Variants in PGAP1 observed in about 807,000 individuals in gnomAD.
PGAP1 encodes the protein GPI inositol-deacylase.
In PGAP1, 76 loss-of-function variants were observed where a neutral mutation model predicts 127.0. The ratio of observed to expected loss-of-function variants is 0.60; its 90% CI spans 0.50 to 0.72. PGAP1 has a LOEUF of 0.72. Among genes scored for constraint, PGAP1 ranks in the 30% least tolerant of loss-of-function variants. PGAP1 has a pLI of 0.00. For missense variants in PGAP1, 982 were observed against 1,071.3 expected, an observed-to-expected ratio of 0.92 and a Z score of 1.16; for synonymous variants, 362 against 366.5, an observed-to-expected ratio of 0.99 and a Z score of 0.14.
Position 196,880,154 on chromosome 2 carries a change from C to T in PGAP1, c.1273-1G>A. On this transcript the variant is annotated splice_acceptor_variant, in intron 12 of 26. Coordinates refer to ENST00000354764, the MANE Select transcript of PGAP1 (RefSeq NM_024989.4). LOFTEE classifies it high-confidence loss of function. ...AGTCTTGAAGTCTTAATGTCAGATA[C>T]TAAAATAAAAAAAAAAGAAACTACT... 1.3e-6 allele frequency: 2 copies of T among 1,486,204 alleles called. No homozygotes were observed. Among genetic ancestry groups the T allele is most frequent in the Non-Finnish European group, 1.8e-6 (2 of 1,108,156 alleles). 92.1% of individuals were successfully genotyped at this position (1,486,204 alleles called of 1,614,324 possible).
intron 10 of PGAP1, 63 bp downstream of exon 10, chr2:196,890,765 G>T: frequency 2.2e-6 from 2 of 921,998 alleles, no homozygotes; most frequent in East Asian, 2.4e-5. Context: ...TCTACCAGTA[G>T]AATTTGAAAA....
chr2:196,918,152 C>T (rs1171081317), intron 2 of PGAP1, among the ~76,000 whole-genome samples: 2 of 152,120 alleles, frequency 1.3e-5, no homozygotes, highest in African/African-American at 2.4e-5. Flanking sequence ...GAAGCCAGAG[C>T]AACTTTTTTT....
intron 25 of PGAP1, among the ~76,000 whole-genome samples, chr2:196,843,582 A>G (rs1244662481): frequency 6.6e-6 from 1 of 152,188 alleles, no homozygotes; most frequent in East Asian, 1.9e-4. Flanking sequence ...TGAAAAGTTT[A>G]TATTCCCGAA....
At chr2:196,854,300 T>C (rs1700808991) in intron 20 of PGAP1, among the ~76,000 whole-genome samples, 2 of 152,186 alleles carry the variant, frequency 1.3e-5, no homozygotes, top group South Asian at 2.1e-4. Context: ...CTTGTAGAGA[T>C]ATTAAATGAT....
chr2:196,865,453 A>C (rs1294470148), intron 19 of PGAP1, among the ~76,000 whole-genome samples: 12 of 152,162 alleles, frequency 7.9e-5, no homozygotes, highest in Admixed American at 7.9e-4. Flanking sequence ...TCTATAGACA[A>C]AGAAATTCAG....
At chr2:196,925,512 A>AT (rs1216673224) in intron 1 of PGAP1, among the ~76,000 whole-genome samples, 2 of 152,232 alleles carry the variant, frequency 1.3e-5, no homozygotes, top group African/African-American at 2.4e-5. Context: ...ATTCGGAAAA[A>AT]TTCTCTTAGG....
At chr2:196,860,600 A>G (rs926861758) in intron 20 of PGAP1, among the ~76,000 whole-genome samples, 2 of 152,194 alleles carry the variant, frequency 1.3e-5, no homozygotes, top group Admixed American at 6.5e-5. Flanking sequence ...TTTACAATTA[A>G]ATTATATCTA....
rs1426982004 is a variant in PGAP1, at chr2:196,845,780, AC to A, written c.2286+101del. ...ACCCGTTATGTAACAGAGGGTTACTACAGTGTTTATGAGAATTTTTGTTAAC... is the reference window on the plus strand; with the variant it reads ...ACCCGTTATGTAACAGAGGGTTACTAAGTGTTTATGAGAATTTTTGTTAAC... On this transcript the variant is annotated intron_variant, in intron 23 of 26. Coordinates refer to ENST00000354764, the MANE Select transcript of PGAP1 (RefSeq NM_024989.4). The A allele has an allele frequency of 3.3e-6, 3 of 908,130 alleles. No homozygotes were observed. The East Asian group carries it at 8.3e-5, about 25-fold the overall frequency. The allele number at this position is 908,130 out of a possible 1,614,324, so 56.3% of individuals were successfully genotyped here. A position where few individuals can be genotyped will look rare whatever the true frequency, so the allele number is the denominator to read the frequency against.
At chr2:196,893,294 A>G in intron 7 of PGAP1, 49 bp from the exon 8 acceptor site, 1 of 1,016,498 alleles carries the variant, frequency 9.8e-7, no homozygotes, top group Non-Finnish European at 1.5e-6. Context: ...CTATTGTAAT[A>G]GCTTGATGAA....
At position 196,844,070 on chromosome 2, in the gene PGAP1, G is replaced by C. The variant is rs766749966; in HGVS notation, c.2343C>G (p.Pro781=). Residue 781 remains proline (P), a synonymous_variant, in exon 25 of 27, where the codon CCC becomes CCG. Transcript: ENST00000354764. ...TCTTTTCACTTCTTCTAGAGTGTTT[G>C]GGATTCTATAAAACAATAAAGTAGA... is the stretch of plus-strand genomic sequence containing the variant. ...TTFKNSQPVN[P]KHSRRSEKKS... The C allele has an allele frequency of 1.9e-6, 3 of 1,551,758 alleles. No individual in the cohort carries two copies. The highest frequency in any genetic ancestry group is 2.6e-6 in the Non-Finnish European group (3 of 1,140,586).
intron 12 of PGAP1, among the ~76,000 whole-genome samples, chr2:196,881,231 T>C (rs868647384): frequency 1.3e-5 from 2 of 152,222 alleles, no homozygotes; most frequent in African/African-American, 4.8e-5. Context: ...TAGTATTCCA[T>C]GGTGTATATG....
chr2:196,884,714 A>C (rs996879706), intron 12 of PGAP1, among the ~76,000 whole-genome samples: 1 of 152,210 alleles, frequency 6.6e-6, no homozygotes, highest in African/African-American at 2.4e-5. Flanking sequence ...TTCATTATGA[A>C]ACTATATTTT....
chr2:196,895,791 T>C (rs763210281), intron 7 of PGAP1, among the ~76,000 whole-genome samples: 24 of 152,202 alleles, frequency 1.6e-4, no homozygotes, highest in Non-Finnish European at 3.4e-4. Context: ...AAGTATTACC[T>C]GGAGACCTAT....
chr2:196,894,897 T>C (rs1387705302), intron 7 of PGAP1, among the ~76,000 whole-genome samples: 1 of 152,210 alleles, frequency 6.6e-6, no homozygotes, highest in African/African-American at 2.4e-5. Flanking sequence ...CACAAGTTTT[T>C]AGCTATGACT....
intron 21 of PGAP1, chr2:196,847,458 C>CTTTT (rs3839045): frequency 2.9e-5 from 4 of 136,398 alleles, no homozygotes; most frequent in South Asian, 2.3e-4. Context: ...GTAATATGTT[C>CTTTT]TTTTTTTTTT....
At chr2:196,922,280 C>T in intron 1 of PGAP1, 1 of 1,174,686 alleles carries the variant, frequency 8.5e-7, no homozygotes. Context: ...TATGATATTA[C>T]TTAATTGTAA....
chr2:196,888,965 G>A (rs10497800), intron 10 of PGAP1, among the ~76,000 whole-genome samples: 15,388 of 152,086 alleles, frequency 0.1, 936 homozygotes, highest in African/African-American at 0.17. Flanking sequence ...TTAAAGCTGT[G>A]TGTTGATTAT....
Position 196,904,562 on chromosome 2 carries a change from A to G in PGAP1, c.650-1820T>C, listed in dbSNP as rs186843752. Among the ~76,000 whole-genome samples the G allele has an allele frequency of 7.6e-3, 1,159 of 152,030 alleles. 20 individuals are homozygous for G. The highest frequency in any genetic ancestry group is 0.027 in the African/African-American group (1,112 of 41,468). On this transcript the variant is annotated intron_variant, in intron 4 of 26. Transcript: ENST00000354764. ...ACCATCCTGGCCAACATGGTGAAACACTGTCTCTACTAAAAATTAGCTGGG... is the reference window on the plus strand; with the variant it reads ...ACCATCCTGGCCAACATGGTGAAACGCTGTCTCTACTAAAAATTAGCTGGG...
chr2:196,925,800 C>T (rs2125844923), intron 1 of PGAP1, among the ~76,000 whole-genome samples: 1 of 152,264 alleles, frequency 6.6e-6, no homozygotes, highest in Non-Finnish European at 1.5e-5. Context: ...GGCAAGCCCA[C>T]ACACGCACGG....
Sources: allele counts gnomAD v4.1 joint callset (sites outside exome capture counted in the v4.1 genomes callset), GRCh38; gene constraint gnomAD v4.1.1; transcripts MANE v1.5; gene names NCBI Gene and HGNC (gene_info 2026-07-23, HGNC 2026-07-21).